Variants in DACH1 observed in about 807,000 individuals in gnomAD.
DACH1 encodes the protein dachshund family transcription factor 1, also known as dachshund homolog 1.
DACH1 carries 12 observed loss-of-function variants against 54.2 expected under a neutral mutation model. The observed-to-expected ratio is 0.22, with a 90% CI of 0.14 to 0.36. The LOEUF (loss-of-function observed/expected upper bound fraction) is 0.36. Among genes scored for constraint, DACH1 ranks in the 10% least tolerant of loss-of-function variants. The pLI is 1.00. For synonymous variants in DACH1, 386 were observed against 366.2 expected, an observed-to-expected ratio of 1.05 and a Z score of -0.62; for missense variants, 805 against 929.8, an observed-to-expected ratio of 0.87 and a Z score of 1.75.
chr13:71,493,754 T>TA (rs34951209), intron 6 of DACH1, among the ~76,000 whole-genome samples: 5 of 152,178 alleles, frequency 3.3e-5, no homozygotes, highest in South Asian at 2.1e-4. Flanking sequence ...TAAAAATTTA[T>TA]AAAAAATTAT....
At chr13:71,717,279 C>A (rs906772608) in intron 1 of DACH1, among the ~76,000 whole-genome samples, 1 of 152,070 alleles carries the variant, frequency 6.6e-6, no homozygotes, top group Non-Finnish European at 1.5e-5. Flanking sequence ...CTTTAAAATT[C>A]TTTCAACAAG....
Position 71,511,735 on chromosome 13 carries a change from TATA to T in DACH1, c.1571-22590_1571-22588del, listed in dbSNP as rs143164935. On this transcript the variant is annotated intron_variant, in intron 6 of 10. Transcript: ENST00000613252. ...AGCCTCTTAGGTATGGAACTAAAAT[TATA>T]ATGATTACCTTTCTTTTCCTTGCCT... 4.4e-3 allele frequency among the ~76,000 whole-genome samples: 673 copies of T among 152,086 alleles called. 4 individuals carry two copies. Among genetic ancestry groups the T allele is most frequent in the Non-Finnish European group, 7.5e-3 (511 of 67,936 alleles).
intron 1 of DACH1, among the ~76,000 whole-genome samples, chr13:71,811,811 T>C (rs1445369292): frequency 2.6e-5 from 4 of 152,202 alleles, no homozygotes; most frequent in African/African-American, 4.8e-5. Context: ...GAGGATAATG[T>C]AAGTTAATAT....
intron 3 of DACH1, among the ~76,000 whole-genome samples, chr13:71,578,970 T>C (rs929906853): frequency 3.3e-5 from 5 of 152,222 alleles, no homozygotes; most frequent in Non-Finnish European, 5.9e-5. Flanking sequence ...AACTGCCCCA[T>C]TACCTATAAA....
In DACH1 at chr13:71,649,677, TAAAC is replaced by T. The variant is rs538490718; in HGVS notation, c.965-18964_965-18961del. ...ATTCATGTTGTAATGGAAAGGAAAA[TAAAC>T]AAATATTGCAAAAATCACAAAAAGA... On this transcript the variant is annotated intron_variant, in intron 2 of 10. Transcript: ENST00000613252. Among the ~76,000 whole-genome samples, 85 of 152,130 alleles carry T rather than the reference TAAAC, an allele frequency of 5.6e-4. No individual in the cohort carries two copies. In the South Asian group the frequency reaches 0.017, roughly 30 times the overall value.
At chr13:71,522,776 G>T (rs887620091) in intron 6 of DACH1, among the ~76,000 whole-genome samples, 7 of 152,048 alleles carry the variant, frequency 4.6e-5, no homozygotes, top group Admixed American at 4.6e-4. Context: ...TATTCCAAGG[G>T]TTGAATGTTT....
intron 2 of DACH1, among the ~76,000 whole-genome samples, chr13:71,636,492 A>T (rs967649104): frequency 2.0e-5 from 3 of 151,576 alleles, no homozygotes; most frequent in Non-Finnish European, 1.5e-5. Flanking sequence ...TCAGTTTCCA[A>T]ACAAGAAACG....
intron 1 of DACH1, among the ~76,000 whole-genome samples, chr13:71,805,968 C>T (rs1022399395): frequency 1.3e-5 from 2 of 151,978 alleles, no homozygotes; most frequent in East Asian, 3.9e-4. Context: ...CCACCATGCC[C>T]GGCTAACTTT....
intron 1 of DACH1, among the ~76,000 whole-genome samples, chr13:71,841,125 C>G (rs915622321): frequency 1.3e-5 from 2 of 152,092 alleles, no homozygotes; most frequent in Non-Finnish European, 2.9e-5. Context: ...AAGATTTCAA[C>G]TCTAAAAAGT....
At chr13:71,712,208 A>G (rs1882751527) in intron 1 of DACH1, among the ~76,000 whole-genome samples, 1 of 152,090 alleles carries the variant, frequency 6.6e-6, no homozygotes, top group South Asian at 2.1e-4. Flanking sequence ...ATTCATTTGA[A>G]TATATATTCT....
chr13:71,722,681 A>C (rs540290119), intron 1 of DACH1, among the ~76,000 whole-genome samples: 158 of 152,324 alleles, frequency 1.0e-3, no homozygotes, highest in Middle Eastern at 3.4e-3. Flanking sequence ...AGTACTGAAA[A>C]GCCAGACACA....
intron 6 of DACH1, among the ~76,000 whole-genome samples, chr13:71,496,414 C>T (rs1879447974): frequency 6.7e-6 from 1 of 150,036 alleles, no homozygotes; most frequent in Admixed American, 6.7e-5. Context: ...ATGTCTTTTG[C>T]AGCAATATGA....
At chr13:71,586,470 CAG>C in intron 3 of DACH1, among the ~76,000 whole-genome samples, 1 of 152,146 alleles carries the variant, frequency 6.6e-6, no homozygotes, top group Middle Eastern at 3.4e-3. Flanking sequence ...TGTTATTAAA[CAG>C]AATATTATAC....
chr13:71,531,134 C>A (rs754261606), intron 6 of DACH1, among the ~76,000 whole-genome samples: 4 of 152,028 alleles, frequency 2.6e-5, no homozygotes, highest in Non-Finnish European at 4.4e-5. Flanking sequence ...GGAATTCTGT[C>A]AATATGAACA....
chr13:71,441,845 T>G (rs538592767), intron 10 of DACH1, among the ~76,000 whole-genome samples: 1 of 152,226 alleles, frequency 6.6e-6, no homozygotes, highest in South Asian at 2.1e-4. Flanking sequence ...GCCCAAATTA[T>G]ATATTCCTCT....
At chr13:71,686,872 T>C (rs1050043265) in intron 1 of DACH1, among the ~76,000 whole-genome samples, 17 of 152,236 alleles carry the variant, frequency 1.1e-4, no homozygotes, top group Non-Finnish European at 1.8e-4. Context: ...TTCATTCATT[T>C]ATTCAAGAGA....
intron 2 of DACH1, among the ~76,000 whole-genome samples, chr13:71,658,665 A>G (rs1163251604): frequency 6.6e-6 from 1 of 152,210 alleles, no homozygotes; most frequent in Non-Finnish European, 1.5e-5. Flanking sequence ...AATATTAGCT[A>G]TAATATATTT....
In DACH1 at chr13:71,866,160, C is replaced by T; in HGVS notation, c.610G>A (p.Glu204Lys). ...RGAKVASFTV[E>K]GCELICLPQA... Reference sequence around the variant, plus strand: ...GGCAGGCAGATCAGCTCGCAGCCCTCCACCGTGAAGGAAGCCACTTTGGCC... The same window carrying T: ...GGCAGGCAGATCAGCTCGCAGCCCTTCACCGTGAAGGAAGCCACTTTGGCC... The change falls in exon 1 of 11, where the codon GAG (glutamate) becomes AAG (lysine). Residue 204 changes from glutamate to lysine, a missense_variant. Transcript: ENST00000613252. 1 of 1,613,108 alleles carries T rather than the reference C, an allele frequency of 6.2e-7. No individual in the cohort carries two copies.
rs1491248050 is a variant in DACH1 at position 71,816,620 on chromosome 13, G to GTATATATATACACACATA, written c.848+49301_848+49302insTATGTGTGTATATATATA. 3.5e-3 allele frequency among the ~76,000 whole-genome samples: 75 copies of GTATATATATACACACATA among 21,256 alleles called. 1 individual carries two copies. The highest frequency in any genetic ancestry group is 0.011 in the Admixed American group (16 of 1,510). 13.9% of individuals were successfully genotyped at this position (21,256 alleles called of 152,430 possible). A position where few individuals can be genotyped will look rare whatever the true frequency, so the allele number is the denominator to read the frequency against. On this transcript the variant is annotated intron_variant, in intron 1 of 10. Coordinates refer to ENST00000613252, the MANE Select transcript of DACH1 (RefSeq NM_080759.6). The stretch of plus-strand genomic sequence containing the variant: ...CACATATGTGTGTATATATATACAC[G>GTATATATATACACACATA]TGTATATATACACACACATATGTGT...
Sources: gnomAD v4.1 joint callset for allele counts (sites outside exome capture counted in the v4.1 genomes callset) on GRCh38, gnomAD v4.1.1 for gene constraint, MANE v1.5 for transcripts, NCBI Gene and HGNC (gene_info 2026-07-23, HGNC 2026-07-21) for gene names.